GATA5: variants seen among roughly 807,000 people sequenced by gnomAD.
GATA5 encodes transcription factor GATA-5.
A neutral mutation model predicts 35.0 loss-of-function variants in GATA5; 27 were observed. That is an observed-to-expected ratio of 0.77 (90% CI 0.57 to 1.06). The LOEUF is 1.06. Ranked by LOEUF, GATA5 falls within the 50% of genes least tolerant of loss-of-function variation. The pLI is 0.00. For missense variants in GATA5, 612 were observed against 580.0 expected (o/e 1.06, Z -0.57); for synonymous variants, 306 against 267.8 (o/e 1.14, Z -1.39).
Position 62,475,008 on chromosome 20 carries a change from G to C in GATA5, c.514C>G (p.Pro172Ala), listed in dbSNP as rs1161179361. 2 of 1,353,368 alleles carry C rather than the reference G, an allele frequency of 1.5e-6. No homozygotes were observed. Among genetic ancestry groups the C allele is most frequent in the Non-Finnish European group, 1.9e-6 (2 of 1,048,798 alleles). 83.8% of individuals were successfully genotyped at this position (1,353,368 alleles called of 1,614,324 possible). A position where few individuals can be genotyped will look rare whatever the true frequency, so the allele number is the denominator to read the frequency against. Residue 172 changes from proline (P) to alanine (A), a missense_variant, in exon 2 of 7, where the codon CCC (proline) becomes GCC (alanine). Transcript: ENST00000252997. ...GAGCCCCCGCACTCACCGAAGGTGGGCCTGCGGCCTGGGAGGCCGTGCAGG... is the reference window on the plus strand; with the variant it reads ...GAGCCCCCGCACTCACCGAAGGTGGCCCTGCGGCCTGGGAGGCCGTGCAGG... ...SVLHGLPGRR[P>A]TFVSDFLEEF... is the part of the protein sequence containing the mutation.
In GATA5 at chr20:62,465,841, G is replaced by T; in HGVS notation, c.906C>A (p.Gly302=). 1 of 1,587,574 alleles carries T rather than the reference G, an allele frequency of 6.3e-7. No individual in the cohort carries two copies. The highest frequency in any genetic ancestry group is 1.8e-5 in the Admixed American group (1 of 56,436). Residue 302 remains glycine, a synonymous_variant, in exon 5 of 7, where the codon GGC becomes GGA. Transcript: ENST00000252997. Reference sequence around the variant, plus strand: ...CAGGGCCTGGCCACGCACCTGAGGAGCCCCTGGCCTTGGCGATGGTCTTTG... The same window carrying T: ...CAGGGCCTGGCCACGCACCTGAGGATCCCCTGGCCTTGGCGATGGTCTTTG... ...RKPKTIAKAR[G]SSGSTRNASA...
At chr20:62,466,671 G>T in intron 3 of GATA5, 120 bp from the exon 4 acceptor site, 1 of 1,158,740 alleles carries the variant, frequency 8.6e-7, no homozygotes, top group African/African-American at 1.5e-5. Flanking sequence ...AAGGTCGTGA[G>T]CTCTGCAATG....
Position 62,463,836 on chromosome 20 carries a change from C to G in GATA5, c.*1000G>C, listed in dbSNP as rs988138969. ...CGCAGGGCCCTGTGGCTGCCTGCCCCGCTCCTCTGCTCCCTGTGGCCTCCT... is the reference window on the plus strand; with the variant it reads ...CGCAGGGCCCTGTGGCTGCCTGCCCGGCTCCTCTGCTCCCTGTGGCCTCCT... On this transcript the variant is annotated 3_prime_UTR_variant, in exon 7 of 7. Transcript: ENST00000252997. The G allele has an allele frequency of 6.5e-6, 1 of 153,032 alleles. No homozygotes were observed. 9.5% of individuals were successfully genotyped at this position (153,032 alleles called of 1,614,324 possible).
Position 62,465,347 on chromosome 20 carries a change from G to C in GATA5, c.1031C>G (p.Ala344Gly). The change falls in exon 6 of 7, where the codon GCC becomes GGC. Residue 344 changes from alanine to glycine, a missense_variant. Ala to Gly is a moderately conservative substitution (Grantham distance 60). Coordinates refer to ENST00000252997, the MANE Select transcript of GATA5 (RefSeq NM_080473.5). ...ASPVCPGPSM[A>G]PQASGQEDDS... ...CCCAGCCCACCCCCTTACCTGGGGG[G>C]CCATGCTGGGCCCAGGGCACACTGG... 1.3e-6 allele frequency: 2 copies of C among 1,596,430 alleles called. No homozygotes were observed. Among genetic ancestry groups the C allele is most frequent in the Non-Finnish European group, 1.7e-6 (2 of 1,178,102 alleles).
Position 62,464,658 on chromosome 20 carries a change from G to A in GATA5, c.*178C>T. On this transcript the variant is annotated 3_prime_UTR_variant, in exon 7 of 7. Transcript: ENST00000252997. ...TCCCTCACCAGCCTTCTTGCTCTGG[G>A]GCCCGACTGCCGTCTGTCCAGAAGG... 2.0e-6 allele frequency: 1 copy of A among 511,916 alleles called. No homozygotes were observed. Among genetic ancestry groups the A allele is most frequent in the South Asian group, 3.8e-5 (1 of 26,666 alleles). The allele number at this position is 511,916 out of a possible 1,614,324, so 31.7% of individuals were successfully genotyped here. A position where few individuals can be genotyped will look rare whatever the true frequency, so the allele number is the denominator to read the frequency against.
chr20:62,475,387 G>A lies in GATA5; in HGVS notation c.135C>T (p.Tyr45=). 4 of 1,345,902 alleles carry A rather than the reference G, an allele frequency of 3.0e-6. No individual in the cohort carries two copies. The highest frequency in any genetic ancestry group is 2.9e-6 in the Non-Finnish European group (3 of 1,048,386). The allele number at this position is 1,345,902 out of a possible 1,614,324, so 83.4% of individuals were successfully genotyped here. ...PPARVPSMLS[Y]LSGCEPSPQP... ...GCGGGCTCGGCTCACACCCGGACAG[G>A]TAGGACAGCATCGAGGGGACGCGCG... Residue 45 remains tyrosine (Y), a synonymous_variant, in exon 2 of 7, where the codon TAC becomes TAT. Transcript: ENST00000252997.
rs1989543375 is a variant in GATA5 at position 62,464,994 on chromosome 20, G to T, written c.1039-3C>A. Reference sequence around the variant, plus strand: ...GAGTCATCCTCCTGGCCAGAGGCCTGCAGGGACAGGAGAGCGTGAGAATGT... The same window carrying T: ...GAGTCATCCTCCTGGCCAGAGGCCTTCAGGGACAGGAGAGCGTGAGAATGT... On this transcript the variant is annotated splice_polypyrimidine_tract_variant and splice_region_variant and intron_variant, in intron 6 of 6. Coordinates refer to ENST00000252997, the MANE Select transcript of GATA5 (RefSeq NM_080473.5). 4 of 1,589,860 alleles carry T rather than the reference G, an allele frequency of 2.5e-6. No individual in the cohort carries two copies. Among genetic ancestry groups the T allele is most frequent in the Non-Finnish European group, 3.4e-6 (4 of 1,169,046 alleles).
At chr20:62,467,936 C>T (rs1161162510) in intron 3 of GATA5, among the ~76,000 whole-genome samples, 1 of 151,172 alleles carries the variant, frequency 6.6e-6, no homozygotes, top group Non-Finnish European at 1.5e-5. Context: ...TGTTACAGCC[C>T]ACCTCGGTTT....
intron 3 of GATA5, among the ~76,000 whole-genome samples, chr20:62,471,564 G>GA (rs1555896554): frequency 6.7e-6 from 1 of 148,944 alleles, no homozygotes; most frequent in African/African-American, 2.5e-5. Context: ...TCAAGTAGCT[G>GA]GGACCATGGG....
At chr20:62,474,948 C>G (rs111821441) in intron 2 of GATA5, 51 bp downstream of exon 2, 1 of 1,263,984 alleles carries the variant, frequency 7.9e-7, no homozygotes, top group Non-Finnish European at 1.0e-6. Context: ...CGGGTTTGCA[C>G]CCGGATTCGG....
In GATA5 at chr20:62,473,474, A is replaced by C. The variant is rs997414695; in HGVS notation, c.628T>G (p.Cys210Gly). The C allele has an allele frequency of 6.2e-6, 10 of 1,611,630 alleles. No individual in the cohort carries two copies. Among genetic ancestry groups the C allele is most frequent in the Non-Finnish European group, 2.5e-6 (3 of 1,179,352 alleles). Residue 210 changes from cysteine to glycine, a missense_variant, in exon 3 of 7, where the codon TGC becomes GGC. Transcript: ENST00000252997. ...WRRDGTGHYL[C>G]NACGLYHKMN... is the part of the protein sequence containing the mutation. The stretch of plus-strand genomic sequence containing the variant: ...TTGTGGTAGAGGCCGCAGGCATTGC[A>C]CAGGTAGTGGCCGGTGCCGTCTCGG...
In GATA5 at chr20:62,465,846, T is replaced by G; in HGVS notation, c.901A>C (p.Arg301=). The G allele has an allele frequency of 6.3e-7, 1 of 1,590,700 alleles. No homozygotes were observed. The highest frequency in any genetic ancestry group is 8.6e-7 in the Non-Finnish European group (1 of 1,168,320). The change falls in exon 5 of 7, where the codon AGG becomes CGG. Residue 301 remains arginine, a synonymous_variant. Transcript: ENST00000252997. ...CCTGGCCACGCACCTGAGGAGCCCC[T>G]GGCCTTGGCGATGGTCTTTGGCTTC... ...KRKPKTIAKA[R]GSSGSTRNAS...
intron 5 of GATA5, among the ~76,000 whole-genome samples, 157 bp downstream of exon 5, chr20:62,465,677 A>C (rs1989566572): frequency 6.7e-6 from 1 of 150,014 alleles, no homozygotes; most frequent in Non-Finnish European, 1.5e-5. Context: ...GGCACCCCAC[A>C]CCCCCCCCAG....
chr20:62,472,161 G>C (rs1989737858), intron 3 of GATA5, among the ~76,000 whole-genome samples: 1 of 152,116 alleles, frequency 6.6e-6, no homozygotes, highest in African/African-American at 2.4e-5. Flanking sequence ...AAGCCAAGAG[G>C]GGGATGGACT....
At chr20:62,472,158 G>C (rs1639582006) in intron 3 of GATA5, among the ~76,000 whole-genome samples, 3 of 152,154 alleles carry the variant, frequency 2.0e-5, no homozygotes, top group Non-Finnish European at 2.9e-5. Context: ...CACAAGCCAA[G>C]AGGGGGATGG....
intron 3 of GATA5, among the ~76,000 whole-genome samples, chr20:62,472,699 A>G (rs184580683): frequency 6.6e-6 from 1 of 152,348 alleles, no homozygotes; most frequent in African/African-American, 2.4e-5. Flanking sequence ...AGAACAAAGC[A>G]ACTTTCAGCC....
intron 4 of GATA5, 52 bp downstream of exon 4, chr20:62,466,369 CGCTCG>C (rs1989587347): frequency 6.6e-7 from 1 of 1,511,330 alleles, no homozygotes; most frequent in Non-Finnish European, 8.9e-7. Flanking sequence ...GTGCGGACGG[CGCTCG>C]CTAGGAGGCT....
chr20:62,475,262 G>A lies in GATA5; in HGVS notation c.260C>T (p.Pro87Leu). 2.4e-6 allele frequency: 3 copies of A among 1,245,580 alleles called. No homozygotes were observed. Among genetic ancestry groups the A allele is most frequent in the Non-Finnish European group, 3.0e-6 (3 of 994,936 alleles). 77.2% of individuals were successfully genotyped at this position (1,245,580 alleles called of 1,614,324 possible). The change falls in exon 2 of 7, where the codon CCG (proline) becomes CTG (leucine). Residue 87 changes from proline (P) to leucine (L), a missense_variant. Physicochemically the swap from Pro to Leu is moderately conservative, Grantham distance 98. Coordinates refer to ENST00000252997, the MANE Select transcript of GATA5 (RefSeq NM_080473.5). ...PGSPHPPAAH[P>L]PGATAFPFAH... ...GAAAGGGAAGGCGGTGGCCCCGGGC[G>A]GGTGCGCGGCTGGGGGGTGCGGACT...
At chr20:62,469,095 C>T (rs1309848309) in intron 3 of GATA5, among the ~76,000 whole-genome samples, 1 of 152,212 alleles carries the variant, frequency 6.6e-6, no homozygotes, top group Non-Finnish European at 1.5e-5. Flanking sequence ...TGGTCTCCTT[C>T]CCACCTCTCG....
Sources: gnomAD v4.1 joint callset for allele counts (sites outside exome capture counted in the v4.1 genomes callset) on GRCh38, gnomAD v4.1.1 for gene constraint, MANE v1.5 for transcripts, NCBI Gene and HGNC (gene_info 2026-07-23, HGNC 2026-07-21) for gene names.